The following USHBP1 variants were observed in gnomAD, a reference collection of about 807,000 sequenced individuals.
USHBP1 encodes harmonin-binding protein USHBP1.
In USHBP1, 67 loss-of-function variants were observed where a neutral mutation model predicts 76.2. That is an observed-to-expected ratio of 0.88 (90% confidence interval 0.72 to 1.08). USHBP1 has a LOEUF of 1.08. Ranked by LOEUF, USHBP1 falls within the 50% of genes least tolerant of loss-of-function variation. USHBP1 has a pLI of 0.00. For missense variants in USHBP1, 931 were observed against 915.0 expected (o/e 1.02, Z -0.23); for synonymous variants, 322 against 362.2 (o/e 0.89, Z 1.26).
At position 17,251,656 on chromosome 19, in the gene USHBP1, TTCCAGCTCCCTGCG is replaced by T. The variant is rs1177764347; in HGVS notation, c.1834_1847del (p.Arg612ThrfsTer127). The T allele has an allele frequency of 1.2e-6, 2 of 1,613,950 alleles. No individual in the cohort carries two copies. Among genetic ancestry groups the T allele is most frequent in the Admixed American group, 1.7e-5 (1 of 59,996 alleles). ...TGGCTCGCCCCTTCTGAGCCACCTG[TTCCAGCTCCCTGCG>T]CAGAGACTGCAGCTGCTCCTGCAGG... On this transcript the variant is annotated frameshift_variant, in exon 12 of 13. Transcript: ENST00000252597. LOFTEE classifies it high-confidence loss of function.
Position 17,249,883 on chromosome 19 carries a change from C to T in USHBP1, c.*342G>A, listed in dbSNP as rs528023940. ...TCCCCATGAATCCCTCCCTGGGCTT[C>T]GGGAGACAGGCCAGTTGGAACTTCA... On this transcript the variant is annotated 3_prime_UTR_variant, in exon 13 of 13. Coordinates refer to ENST00000252597, the MANE Select transcript of USHBP1 (RefSeq NM_031941.4). The T allele has an allele frequency of 2.4e-5, 7 of 296,102 alleles. No homozygotes were observed. Among genetic ancestry groups the T allele is most frequent in the African/African-American group, 9.2e-5 (4 of 43,660 alleles). The allele number at this position is 296,102 out of a possible 1,614,324, so 18.3% of individuals were successfully genotyped here.
chr19:17,253,849 G>A (rs374459503), intron 10 of USHBP1, among the ~76,000 whole-genome samples: 1 of 145,910 alleles, frequency 6.9e-6, no homozygotes, highest in East Asian at 2.0e-4. Flanking sequence ...AGCCAAGATC[G>A]CACCACTGCA....
At position 17,251,936 on chromosome 19, in the gene USHBP1, G is replaced by A. The variant is rs1447791063; in HGVS notation, c.1774C>T (p.Gln592Ter). The A allele has an allele frequency of 1.9e-6, 3 of 1,546,720 alleles. No homozygotes were observed. The highest frequency in any genetic ancestry group is 1.7e-6 in the Non-Finnish European group (2 of 1,146,854). ...GRAWDPEKLA[Q>*]ELAASLTRTL... ...CTGGTGAGCGATGCTGCCAGTTCCT[G>A]GGCTAACTTCTCTGGGTCCCAGGCT... Residue 592 changes from glutamine (Q) to a stop codon, truncating the protein, a stop_gained, in exon 11 of 13, where the codon CAG (glutamine) becomes TAG (stop). Transcript: ENST00000252597. LOFTEE classifies it high-confidence loss of function.
chr19:17,264,340 G>T lies in USHBP1; in HGVS notation c.-41C>A. Reference sequence around the variant, plus strand: ...AGTGCCCTCTGAATGCTTCTCCTTCGTCAACCCCTAAAACCACAGCCTGCC... The same window carrying T: ...AGTGCCCTCTGAATGCTTCTCCTTCTTCAACCCCTAAAACCACAGCCTGCC... On this transcript the variant is annotated 5_prime_UTR_variant, in exon 2 of 13. Transcript: ENST00000252597. 1 of 1,576,448 alleles carries T rather than the reference G, an allele frequency of 6.3e-7. No individual in the cohort carries two copies. The highest frequency in any genetic ancestry group is 8.6e-7 in the Non-Finnish European group (1 of 1,162,418).
Position 17,264,115 on chromosome 19 carries a change from C to G in USHBP1, c.90G>C (p.Glu30Asp). 1 of 1,614,098 alleles carries G rather than the reference C, an allele frequency of 6.2e-7. No homozygotes were observed. Among genetic ancestry groups the G allele is most frequent in the South Asian group, 1.1e-5 (1 of 91,082 alleles). Residue 30 changes from glutamate to aspartate, a missense_variant, in exon 3 of 13, where the codon GAG (glutamate) becomes GAC (aspartate). Coordinates refer to ENST00000252597, the MANE Select transcript of USHBP1 (RefSeq NM_031941.4). ...ELDPVAESSEEVEAASGSSKP... is the reference protein window; with the variant it reads ...ELDPVAESSEDVEAASGSSKP... ...TGGAGCTCCCACTGGCTGCCTCGACCTCCTCTGAACTCTCAGCCACGGGAT... is the reference window on the plus strand; with the variant it reads ...TGGAGCTCCCACTGGCTGCCTCGACGTCCTCTGAACTCTCAGCCACGGGAT...
intron 4 of USHBP1, 142 bp from the exon 5 acceptor site, chr19:17,260,164 A>C: frequency 8.9e-4 from 990 of 1,110,578 alleles, no homozygotes; most frequent in Non-Finnish European, 1.1e-3. Context: ...CAAAAATCTC[A>C]CTATCTGACC....
At chr19:17,264,458 T>G (rs2073729299) in intron 1 of USHBP1, 111 bp from the exon 2 acceptor site, 1 of 840,024 alleles carries the variant, frequency 1.2e-6, no homozygotes, top group Non-Finnish European at 1.8e-6. Flanking sequence ...GAAGGGATTT[T>G]GTTATCAATG....
chr19:17,264,174 G>T, intron 2 of USHBP1, 24 bp from the exon 3 acceptor site: 1 of 1,612,434 alleles, frequency 6.2e-7, no homozygotes, highest in Non-Finnish European at 8.5e-7. Context: ...CCGGGGCCCT[G>T]CTCTGAGCCA....
At chr19:17,251,171 T>TG (rs2073546650) in intron 12 of USHBP1, among the ~76,000 whole-genome samples, 1 of 135,654 alleles carries the variant, frequency 7.4e-6, no homozygotes, top group East Asian at 2.0e-4. Context: ...AGCCTGTTGT[T>TG]TTTTTTTTTT....
chr19:17,253,915 A>G (rs1282247392), intron 10 of USHBP1, among the ~76,000 whole-genome samples: 3 of 149,914 alleles, frequency 2.0e-5, no homozygotes, highest in East Asian at 4.0e-4. Flanking sequence ...AAAAAGAAAA[A>G]AAAAATTAAA....
intron 12 of USHBP1, 86 bp from the exon 13 acceptor site, chr19:17,250,500 G>C: frequency 6.8e-7 from 1 of 1,466,472 alleles, no homozygotes; most frequent in Admixed American, 2.3e-5. Flanking sequence ...CAGAATGGGG[G>C]CTCTTTCACA....
Position 17,250,106 on chromosome 19 carries a change from C to T in USHBP1, c.*119G>A, listed in dbSNP as rs2073530549. 9.9e-6 allele frequency: 12 copies of T among 1,212,434 alleles called. No individual in the cohort carries two copies. The highest frequency in any genetic ancestry group is 7.7e-5 in the South Asian group (5 of 65,314). 75.1% of individuals were successfully genotyped at this position (1,212,434 alleles called of 1,614,324 possible). A position where few individuals can be genotyped will look rare whatever the true frequency, so the allele number is the denominator to read the frequency against. Reference sequence around the variant, plus strand: ...CCTGGACACCCATGTGCACCAGCTTCCCTCACGCCAAATGTGCCCCAACAT... The same window carrying T: ...CCTGGACACCCATGTGCACCAGCTTTCCTCACGCCAAATGTGCCCCAACAT... On this transcript the variant is annotated 3_prime_UTR_variant, in exon 13 of 13. Coordinates refer to ENST00000252597, the MANE Select transcript of USHBP1 (RefSeq NM_031941.4).
intron 3 of USHBP1, chr19:17,263,327 C>T (rs1360474636): frequency 9.9e-6 from 2 of 201,208 alleles, no homozygotes; most frequent in Non-Finnish European, 2.0e-5. Flanking sequence ...CATGAGCCAC[C>T]ATGCTCGGCC....
rs2073722663 is a variant in USHBP1, at chr19:17,264,033, C to T, written c.172G>A (p.Glu58Lys). Residue 58 changes from glutamate to lysine, a missense_variant, in exon 3 of 13, where the codon GAG becomes AAG. By Grantham distance (56) the Glu-to-Lys change is moderately conservative (BLOSUM62 1). Transcript: ENST00000252597. The stretch of plus-strand genomic sequence containing the variant: ...CCTAGGCCTTGGCCACTGACCTCCT[C>T]CATGGGGCCCAGCTGCTCCAGCCCG... ...SSGLEQLGPM[E>K]EVSGQGLGSR... is the part of the protein sequence containing the mutation. The T allele has an allele frequency of 6.2e-7, 1 of 1,608,772 alleles. No individual in the cohort carries two copies. The highest frequency in any genetic ancestry group is 1.1e-5 in the South Asian group (1 of 90,206).
At chr19:17,257,397 C>CT (rs1305515678) in intron 8 of USHBP1, among the ~76,000 whole-genome samples, 1 of 148,198 alleles carries the variant, frequency 6.7e-6, no homozygotes, top group Non-Finnish European at 1.5e-5. Context: ...AATCCCAGCA[C>CT]TTTGGGAGGC....
chr19:17,259,200 C>T (rs1015548221), intron 7 of USHBP1, 89 bp downstream of exon 7: 89 of 1,494,348 alleles, frequency 6.0e-5, no homozygotes, highest in Non-Finnish European at 7.5e-5. Context: ...GGGGAAGGTG[C>T]TCTCCAGTGA....
intron 4 of USHBP1, among the ~76,000 whole-genome samples, chr19:17,260,538 C>G (rs1599476330): frequency 6.6e-6 from 1 of 152,134 alleles, no homozygotes; most frequent in Non-Finnish European, 1.5e-5. Flanking sequence ...CCATGTTGAC[C>G]AGGCTGGTCT....
intron 11 of USHBP1, 75 bp downstream of exon 11, chr19:17,251,836 G>A (rs1333255726): frequency 1.3e-6 from 2 of 1,527,654 alleles, no homozygotes; most frequent in Non-Finnish European, 8.8e-7. Context: ...AGCTTCTACT[G>A]CAGACGACAC....
chr19:17,260,230 C>T (rs752676341), intron 4 of USHBP1, among the ~76,000 whole-genome samples: 1 of 152,152 alleles, frequency 6.6e-6, no homozygotes, highest in Non-Finnish European at 1.5e-5. Flanking sequence ...AAAAATGGGC[C>T]CCACTCTGGG....
Sources: gnomAD v4.1 joint callset for allele counts (sites outside exome capture counted in the v4.1 genomes callset) on GRCh38, gnomAD v4.1.1 for gene constraint, MANE v1.5 for transcripts, NCBI Gene and HGNC (gene_info 2026-07-23, HGNC 2026-07-21) for gene names.